The following NAV2 variants were observed in gnomAD, a reference collection of about 807,000 sequenced individuals.
NAV2 encodes neuron navigator 2.
Under a neutral mutation model 223.2 loss-of-function variants are expected in NAV2, and 54 were observed. That is an observed-to-expected ratio of 0.24 (90% CI 0.19 to 0.30). The LOEUF (loss-of-function observed/expected upper bound fraction) is 0.30, where lower values mean the gene tolerates loss of function less well. Among genes scored for constraint, NAV2 ranks in the 10% least tolerant of loss-of-function variants. NAV2 has a pLI of 1.00. For missense variants in NAV2, 2,806 were observed against 3,147.5 expected, an observed-to-expected ratio of 0.89 and a Z score of 2.60; for synonymous variants, 1,279 against 1,239.3, an observed-to-expected ratio of 1.03 and a Z score of -0.67.
At chr11:19,685,829 G>A (rs2049006912) in intron 1 of NAV2, among the ~76,000 whole-genome samples, 1 of 152,048 alleles carries the variant, frequency 6.6e-6, no homozygotes, top group Admixed American at 6.5e-5. Context: ...TCCTGGGAAT[G>A]GTGTGAGGTT....
chr11:19,382,150 C>A (rs1204063464), intron 1 of NAV2, among the ~76,000 whole-genome samples: 1 of 152,172 alleles, frequency 6.6e-6, no homozygotes, highest in Admixed American at 6.5e-5. Flanking sequence ...AAAGGCAGTG[C>A]CTTTTTAATC....
chr11:19,576,840 G>A (rs1371578265), intron 1 of NAV2, among the ~76,000 whole-genome samples: 1 of 152,190 alleles, frequency 6.6e-6, no homozygotes, highest in Non-Finnish European at 1.5e-5. Context: ...CAGACACACA[G>A]CATTGGATGG....
intron 1 of NAV2, among the ~76,000 whole-genome samples, chr11:19,723,978 G>GA (rs1590184902): frequency 2.0e-5 from 3 of 152,134 alleles, no homozygotes; most frequent in Admixed American, 2.0e-4. Flanking sequence ...AGCCTTGAAG[G>GA]AAAAAACCTC....
At chr11:19,865,883 A>T (rs1490078911) in intron 3 of NAV2, among the ~76,000 whole-genome samples, 1 of 152,206 alleles carries the variant, frequency 6.6e-6, no homozygotes, top group African/African-American at 2.4e-5. Context: ...CTAGAGAAAG[A>T]CAGGAATCAA....
rs2043171896 is a variant in NAV2 at position 19,507,963 on chromosome 11, A to G, written c.75+156936A>G. Among the ~76,000 whole-genome samples the G allele has an allele frequency of 2.6e-5, 4 of 152,190 alleles. No individual in the cohort carries two copies. The South Asian group carries it at 8.3e-4, about 32-fold the overall frequency. ...GAGCCCAGGCTTTTAACCCTTATAC[A>G]CAGTGCCCCTGGGATGAGGATTAAT... On this transcript the variant is annotated intron_variant, in intron 1 of 37. Coordinates refer to the NAV2 transcript ENST00000360655.
intron 10 of NAV2, among the ~76,000 whole-genome samples, chr11:19,954,972 C>CAT (rs1161437533): frequency 1.8e-4 from 9 of 49,566 alleles, no homozygotes; most frequent in South Asian, 1.0e-3. Flanking sequence ...TACATATACA[C>CAT]ACATATATAT....
intron 5 of NAV2, among the ~76,000 whole-genome samples, chr11:19,887,854 C>T (rs749002097): frequency 5.9e-5 from 9 of 152,134 alleles, no homozygotes; most frequent in East Asian, 3.9e-4. Context: ...GACCGCCCCC[C>T]GCCAAACCCC....
chr11:19,702,054 T>C (rs1240901087), intron 1 of NAV2, among the ~76,000 whole-genome samples: 1 of 152,228 alleles, frequency 6.6e-6, no homozygotes, highest in Non-Finnish European at 1.5e-5. Flanking sequence ...ATCTTCTCTG[T>C]TTCTGCAGGA....
chr11:19,576,597 A>G (rs181084268), intron 1 of NAV2, among the ~76,000 whole-genome samples: 405 of 152,344 alleles, frequency 2.7e-3, no homozygotes, highest in African/African-American at 9.4e-3. Context: ...CAAATACATG[A>G]ATATGATTAA....
At chr11:20,021,860 A>G (rs1244911852) in intron 11 of NAV2, among the ~76,000 whole-genome samples, 3 of 152,126 alleles carry the variant, frequency 2.0e-5, no homozygotes, top group Non-Finnish European at 4.4e-5. Flanking sequence ...CTCCTCTTTG[A>G]GCAGATCTTT....
chr11:19,441,448 GCA>G lies in NAV2; in HGVS notation c.75+90445_75+90446del, dbSNP rs150858991. ...CACTGGGACACACACACACACACAC[GCA>G]CACACACACACACACACACACACCC... On this transcript the variant is annotated intron_variant, in intron 1 of 37. Transcript: ENST00000360655. Among the ~76,000 whole-genome samples, 619 of 145,484 alleles carry G rather than the reference GCA, an allele frequency of 4.3e-3. 4 individuals carry two copies. Among genetic ancestry groups the G allele is most frequent in the Middle Eastern group, 6.9e-3 (2 of 288 alleles).
intron 11 of NAV2, among the ~76,000 whole-genome samples, chr11:20,005,255 T>TA (rs1565747945): frequency 0.067 from 626 of 9,358 alleles, 6 homozygotes; most frequent in African/African-American, 0.089. Flanking sequence ...ATATATATAT[T>TA]TTTTTTTTTT....
chr11:19,819,182 T>C (rs1323180397), intron 1 of NAV2, among the ~76,000 whole-genome samples: 1 of 152,180 alleles, frequency 6.6e-6, no homozygotes, highest in East Asian at 1.9e-4. Context: ...TAGAAGCTCC[T>C]GATTGAGAGA....
At chr11:20,107,608 A>C (rs1193474683) in intron 35 of NAV2, 56 bp from the exon 36 acceptor site, 2 of 1,362,820 alleles carry the variant, frequency 1.5e-6, no homozygotes, top group African/African-American at 2.9e-5. Context: ...GCTTCACCTG[A>C]TGCCCCATCA....
At chr11:19,621,064 T>A (rs1257888722) in intron 1 of NAV2, among the ~76,000 whole-genome samples, 1 of 152,198 alleles carries the variant, frequency 6.6e-6, no homozygotes, top group African/African-American at 2.4e-5. Context: ...GGATTAGGTT[T>A]ATTGATTTGT....
At chr11:19,723,405 G>A (rs942210302) in intron 1 of NAV2, among the ~76,000 whole-genome samples, 29 of 152,090 alleles carry the variant, frequency 1.9e-4, no homozygotes, top group African/African-American at 7.0e-4. Context: ...GGCAGGATTT[G>A]AACTGAGGTC....
At chr11:20,102,450 C>T (rs1372462437) in intron 32 of NAV2, among the ~76,000 whole-genome samples, 3 of 152,070 alleles carry the variant, frequency 2.0e-5, no homozygotes, top group African/African-American at 2.4e-5. Context: ...CACTCTCAGG[C>T]CAGGCACCTT....
intron 1 of NAV2, among the ~76,000 whole-genome samples, chr11:19,693,815 G>A (rs2049252709): frequency 6.6e-6 from 1 of 152,210 alleles, no homozygotes; most frequent in African/African-American, 2.4e-5. Context: ...ACCCTGGCTT[G>A]AGAACCCACT....
chr11:19,440,601 T>A (rs1293736060), intron 1 of NAV2, among the ~76,000 whole-genome samples: 1 of 152,174 alleles, frequency 6.6e-6, no homozygotes, highest in East Asian at 1.9e-4. Flanking sequence ...GTACTGAGGA[T>A]GCTGAAAGTA....
Sources: gnomAD v4.1 joint callset for allele counts (sites outside exome capture counted in the v4.1 genomes callset) on GRCh38, gnomAD v4.1.1 for gene constraint, MANE v1.5 for transcripts, NCBI Gene and HGNC (gene_info 2026-07-23, HGNC 2026-07-21) for gene names.